Variants in SLC7A5 observed in about 807,000 individuals in gnomAD.
SLC7A5 encodes solute carrier family 7 member 5.
SLC7A5 carries 23 observed loss-of-function variants against 50.2 expected under a neutral mutation model. The observed-to-expected ratio is 0.46, with a 90% CI of 0.33 to 0.65. SLC7A5 has a LOEUF of 0.65. Ranked by LOEUF, SLC7A5 falls within the 30% of genes least tolerant of loss-of-function variation. The probability of loss-of-function intolerance (pLI) is 0.02; values close to 1 mark genes in which losing one functional copy is unlikely to be tolerated. For missense variants in SLC7A5, 578 were observed against 684.4 expected (o/e 0.84, Z 1.73); for synonymous variants, 393 against 330.6 (o/e 1.19, Z -2.05).
At chr16:87,838,594 A>G (rs1567489113) in intron 6 of SLC7A5, 120 bp downstream of exon 6, 2 of 814,544 alleles carry the variant, frequency 2.5e-6, no homozygotes, top group South Asian at 1.4e-5. Context: ...TGCCTGGCCT[A>G]TTTGAGCAAT....
chr16:87,863,130 C>T lies in SLC7A5; in HGVS notation c.538+5755G>A, dbSNP rs563838944. On this transcript the variant is annotated intron_variant, in intron 1 of 9. Coordinates refer to ENST00000261622, the MANE Select transcript of SLC7A5 (RefSeq NM_003486.7). The stretch of plus-strand genomic sequence containing the variant: ...GAGGAGCTGTCTGCAGGCCACTTCC[C>T]GAACACCTATGCGCTTGGAGAAGTG... Among the ~76,000 whole-genome samples, 7 of 152,350 alleles carry T rather than the reference C, an allele frequency of 4.6e-5. No homozygotes were observed. In the East Asian group the frequency reaches 7.7e-4, roughly 17 times the overall value.
intron 1 of SLC7A5, among the ~76,000 whole-genome samples, chr16:87,859,123 C>G (rs1367625969): frequency 6.6e-6 from 1 of 152,256 alleles, no homozygotes; most frequent in Non-Finnish European, 1.5e-5. Flanking sequence ...AGACCCACGT[C>G]ACCCCAGGCT....
In SLC7A5 at chr16:87,832,982, G is replaced by T. The variant is rs1239844240; in HGVS notation, c.1512C>A (p.Pro504=). 2.5e-6 allele frequency: 4 copies of T among 1,613,742 alleles called. No homozygotes were observed. Among genetic ancestry groups the T allele is most frequent in the Non-Finnish European group, 3.4e-6 (4 of 1,179,864 alleles). Residue 504 remains proline, a synonymous_variant, in exon 10 of 10, where the codon CCC becomes CCA. Transcript: ENST00000261622. The surrounding 1 kb of genome is among the most constrained non-coding windows in gnomAD (Gnocchi z 4.6). ...CTCGGCCTCCTGGCTATGTCTCCTG[G>T]GGGACCACCTGCATGAGCTTCTGAC... The part of the protein sequence containing the change: ...VLCQKLMQVV[P]QET
chr16:87,851,962 C>T, intron 1 of SLC7A5, 113 bp from the exon 2 acceptor site: 1 of 1,321,294 alleles, frequency 7.6e-7, no homozygotes. Flanking sequence ...ACCAGAAAAA[C>T]AAGCTCCTTA....
intron 1 of SLC7A5, among the ~76,000 whole-genome samples, chr16:87,857,573 G>A (rs186589536): frequency 7.4e-4 from 112 of 152,322 alleles, no homozygotes; most frequent in Non-Finnish European, 1.2e-3. Context: ...GTGAGCCACC[G>A]CGCCTGGCCG....
chr16:87,863,945 C>A (rs2055428392), intron 1 of SLC7A5, among the ~76,000 whole-genome samples: 2 of 135,574 alleles, frequency 1.5e-5, no homozygotes, highest in African/African-American at 5.3e-5. Context: ...CCTTCCTAAG[C>A]AGAAAATTCC....
At position 87,853,458 on chromosome 16, in the gene SLC7A5, C is replaced by T. The variant is rs1416692089; in HGVS notation, c.539-1609G>A. On this transcript the variant is annotated intron_variant, in intron 1 of 9. Transcript: ENST00000261622. The surrounding 1 kb of genome is among the most constrained non-coding windows in gnomAD (Gnocchi z 4.4). Reference sequence around the variant, plus strand: ...AATACTTGAAATTCCGGAACTTCCACTCCTCACCCAAACTGAAGAGGTGAT... The same window carrying T: ...AATACTTGAAATTCCGGAACTTCCATTCCTCACCCAAACTGAAGAGGTGAT... Among the ~76,000 whole-genome samples the T allele has an allele frequency of 6.6e-6, 1 of 152,180 alleles. No individual in the cohort carries two copies. The highest frequency in any genetic ancestry group is 1.5e-5 in the Non-Finnish European group (1 of 68,038).
intron 1 of SLC7A5, among the ~76,000 whole-genome samples, chr16:87,859,946 A>G (rs1228469904): frequency 2.0e-5 from 3 of 151,570 alleles, no homozygotes; most frequent in Non-Finnish European, 4.4e-5. Context: ...AACAAAACAC[A>G]ATATTCGTCT....
chr16:87,863,918 G>A (rs2055427745), intron 1 of SLC7A5, among the ~76,000 whole-genome samples: 1 of 146,924 alleles, frequency 6.8e-6, no homozygotes, highest in Non-Finnish European at 1.5e-5. Flanking sequence ...GAATAAGGGG[G>A]TAAAAGGTGC....
intron 6 of SLC7A5, 146 bp from the exon 7 acceptor site, chr16:87,838,087 G>A (rs1033100701): frequency 5.1e-5 from 36 of 711,286 alleles, no homozygotes; most frequent in East Asian, 4.6e-4. Flanking sequence ...CCCTCCAGCC[G>A]CTGGCTGTGG....
Position 87,869,393 on chromosome 16 carries a change from C to G in SLC7A5, c.30G>C (p.Ala10=). 6.4e-7 allele frequency: 1 copy of G among 1,560,590 alleles called. No individual in the cohort carries two copies. The change falls in exon 1 of 10, where the codon GCG becomes GCC. Residue 10 remains alanine, a synonymous_variant. Transcript: ENST00000261622. The part of the protein sequence containing the change: MAGAGPKRR[A]LAAPAAEEKE... ...TCTCCTCGGCCGCCGGCGCCGCTAG[C>G]GCGCGCCGCTTCGGGCCCGCACCCG... is the stretch of plus-strand genomic sequence containing the variant.
rs930094921 is a variant in SLC7A5, at chr16:87,830,798, C to T, written c.*2172G>A. On this transcript the variant is annotated 3_prime_UTR_variant, in exon 10 of 10. Coordinates refer to ENST00000261622, the MANE Select transcript of SLC7A5 (RefSeq NM_003486.7). ...GGCAGCCCCCATGCTCGCCCACAGC[C>T]GCAGCAGCCAACAGGCAAGTGCGTG... 2 of 152,588 alleles carry T rather than the reference C, an allele frequency of 1.3e-5. No individual in the cohort carries two copies. Among genetic ancestry groups the T allele is most frequent in the African/African-American group, 4.8e-5 (2 of 41,466 alleles). The allele number at this position is 152,588 out of a possible 1,614,324, so 9.5% of individuals were successfully genotyped here. A position where few individuals can be genotyped will look rare whatever the true frequency, so the allele number is the denominator to read the frequency against.
In SLC7A5 at chr16:87,837,937, A is replaced by G. The variant is rs759247713; in HGVS notation, c.1048T>C (p.Phe350Leu). ...NGSLFTSSRL[F>L]FVGSREGHLP... ...TGGCCTTCCCGGGACCCCACGAAGA[A>G]GAGCCTGTGGACAGACAAGAGTGGC... The change falls in exon 7 of 10, where the codon TTC becomes CTC. Residue 350 changes from phenylalanine to leucine, a missense_variant. By Grantham distance (22) the Phe-to-Leu change is conservative. This residue lies in a region of SLC7A5 where 465 missense variants were observed against 594.6 expected (regional missense o/e 0.78). Transcript: ENST00000261622. 2.4e-5 allele frequency: 38 copies of G among 1,602,862 alleles called. No homozygotes were observed. Among genetic ancestry groups the G allele is most frequent in the Non-Finnish European group, 3.2e-5 (38 of 1,176,128 alleles).
rs562632156 is a variant in SLC7A5, at chr16:87,853,232, G to A, written c.539-1383C>T. 1.4e-4 allele frequency among the ~76,000 whole-genome samples: 22 copies of A among 152,312 alleles called. No homozygotes were observed. The highest frequency in any genetic ancestry group is 5.3e-4 in the African/African-American group (22 of 41,558). ...TTACAATGTAAGCAACAGACCCCGA[G>A]GAAAGACATCCATGCTAATTAACTA... On this transcript the variant is annotated intron_variant, in intron 1 of 9. Transcript: ENST00000261622. This position sits in a 1 kb window ranked among gnomAD's most constrained non-coding sequence, Gnocchi z 4.4.
At chr16:87,836,787 C>A in intron 7 of SLC7A5, 140 bp from the exon 8 acceptor site, 1 of 701,282 alleles carries the variant, frequency 1.4e-6, no homozygotes, top group South Asian at 1.4e-5. Flanking sequence ...GAAACCTCAT[C>A]TGAGCAACAT....
chr16:87,859,552 C>A (rs149350851), intron 1 of SLC7A5, among the ~76,000 whole-genome samples: 1 of 152,166 alleles, frequency 6.6e-6, no homozygotes, highest in African/African-American at 2.4e-5. Context: ...ACCTGAAAAA[C>A]GAGCTCAGGT....
intron 2 of SLC7A5, among the ~76,000 whole-genome samples, chr16:87,850,600 C>G (rs556261807): frequency 1.3e-5 from 2 of 152,324 alleles, no homozygotes; most frequent in Non-Finnish European, 2.9e-5. Flanking sequence ...GAGAAGGAGG[C>G]CAGCTCCTAA....
Position 87,832,766 on chromosome 16 carries a change from C to G in SLC7A5, c.*204G>C. ...GCTCCTGGGCAGGAGCACAGGCACA[C>G]CTGGGTCCCTGGCCCTCAGTTGAGG... On this transcript the variant is annotated 3_prime_UTR_variant, in exon 10 of 10. Transcript: ENST00000261622. The surrounding 1 kb of genome is among the most constrained non-coding windows in gnomAD (Gnocchi z 4.6). The G allele has an allele frequency of 1.7e-6, 1 of 588,122 alleles. No homozygotes were observed. The highest frequency in any genetic ancestry group is 3.1e-5 in the East Asian group (1 of 32,528). The allele number at this position is 588,122 out of a possible 1,614,324, so 36.4% of individuals were successfully genotyped here.
intron 1 of SLC7A5, among the ~76,000 whole-genome samples, chr16:87,866,808 G>T (rs555759951): frequency 2.6e-5 from 4 of 152,072 alleles, no homozygotes; most frequent in African/African-American, 9.7e-5. Flanking sequence ...TATGACTGAT[G>T]TGATTTTTAT....
Sources: allele counts gnomAD v4.1 joint callset (sites outside exome capture counted in the v4.1 genomes callset), GRCh38; gene constraint gnomAD v4.1.1; regional missense constraint gnomAD v4.1.1; non-coding constraint Gnocchi (gnomAD v3.1); transcripts MANE v1.5; gene names NCBI Gene and HGNC (gene_info 2026-07-23, HGNC 2026-07-21).